Variants in BMPER observed in about 807,000 individuals in gnomAD.
The protein encoded by BMPER is BMP binding endothelial regulator.
Under a neutral mutation model 87.3 loss-of-function variants are expected in BMPER, and 45 were observed. The ratio of observed to expected loss-of-function variants is 0.52; its 90% confidence interval spans 0.41 to 0.66. The LOEUF is 0.66. BMPER is among the 30% of genes least tolerant of loss of function. BMPER has a pLI of 0.00. For missense variants in BMPER, 784 were observed against 867.5 expected, an observed-to-expected ratio of 0.90 and a Z score of 1.21; for synonymous variants, 326 against 316.2, an observed-to-expected ratio of 1.03 and a Z score of -0.33.
intron 13 of BMPER, among the ~76,000 whole-genome samples, chr7:34,118,994 ACTGTCT>A (rs1412869494): frequency 1.3e-4 from 12 of 89,142 alleles, no homozygotes; most frequent in South Asian, 9.4e-4. Context: ...TCTCTCTCTC[ACTGTCT>A]CTCTCTCTCT....
intron 13 of BMPER, among the ~76,000 whole-genome samples, chr7:34,123,469 C>T (rs558578290): frequency 4.5e-4 from 68 of 152,252 alleles, no homozygotes; most frequent in Admixed American, 2.7e-3. Flanking sequence ...ATGCCCTGGC[C>T]ACACTCAGGA....
chr7:34,039,732 ATATC>A (rs1488588402), intron 6 of BMPER, among the ~76,000 whole-genome samples: 2 of 151,952 alleles, frequency 1.3e-5, no homozygotes, highest in African/African-American at 4.8e-5. Flanking sequence ...ATATGTGTGT[ATATC>A]TATATAAACA....
chr7:34,100,062 C>T (rs1250106741), intron 13 of BMPER, among the ~76,000 whole-genome samples: 1 of 152,114 alleles, frequency 6.6e-6, no homozygotes, highest in African/African-American at 2.4e-5. Flanking sequence ...CCCTCCCTCT[C>T]TCTCTTCAAC....
At chr7:34,031,920 A>G (rs1329436701) in intron 6 of BMPER, among the ~76,000 whole-genome samples, 2 of 126,270 alleles carry the variant, frequency 1.6e-5, no homozygotes, top group Admixed American at 1.6e-4. Flanking sequence ...ATATATATAT[A>G]TATATATACA....
chr7:33,979,105 A>G (rs1785771208), intron 6 of BMPER, among the ~76,000 whole-genome samples: 1 of 152,138 alleles, frequency 6.6e-6, no homozygotes, highest in South Asian at 2.1e-4. Flanking sequence ...GTCCATATAT[A>G]TGCACGTAAA....
intron 12 of BMPER, among the ~76,000 whole-genome samples, chr7:34,081,997 A>G: frequency 6.6e-6 from 1 of 152,198 alleles, no homozygotes; most frequent in South Asian, 2.1e-4. Flanking sequence ...AAACCCAACT[A>G]GTGGTCTGGA....
intron 11 of BMPER, among the ~76,000 whole-genome samples, chr7:34,064,051 G>A (rs1055883775): frequency 6.6e-6 from 1 of 152,232 alleles, no homozygotes; most frequent in Non-Finnish European, 1.5e-5. Context: ...CTGTAATCGG[G>A]AGGCCGAGGA....
intron 13 of BMPER, among the ~76,000 whole-genome samples, chr7:34,088,371 C>T (rs919065648): frequency 1.3e-5 from 2 of 152,174 alleles, no homozygotes; most frequent in African/African-American, 4.8e-5. Context: ...GGGAGAGTGG[C>T]CAGTGTTGGC....
intron 6 of BMPER, among the ~76,000 whole-genome samples, chr7:34,008,680 C>G (rs956275965): frequency 2.6e-5 from 4 of 151,898 alleles, no homozygotes; most frequent in Non-Finnish European, 5.9e-5. Flanking sequence ...GAATGACATT[C>G]AATGTTACTG....
intron 4 of BMPER, among the ~76,000 whole-genome samples, chr7:33,967,123 C>G (rs1785425715): frequency 6.6e-6 from 1 of 152,138 alleles, no homozygotes; most frequent in Non-Finnish European, 1.5e-5. Context: ...TGGCTCTAAC[C>G]CCATCAGGTG....
In BMPER at chr7:34,078,974, C is replaced by T. The variant is rs1252694483; in HGVS notation, c.1196C>T (p.Ser399Leu). 22 of 1,614,114 alleles carry T rather than the reference C, an allele frequency of 1.4e-5. No individual in the cohort carries two copies. Among genetic ancestry groups the T allele is most frequent in the Admixed American group, 5.0e-5 (3 of 60,010 alleles). Reference sequence around the variant, plus strand: ...ACAAAAGACTGCTCCTCCCCTGCCTCGCCCTTCCAGGTGCTGGTGAAGAAC... The same window carrying T: ...ACAAAAGACTGCTCCTCCCCTGCCTTGCCCTTCCAGGTGCTGGTGAAGAAC... ...VLTKDCSSPA[S>L]PFQVLVKNDA... Residue 399 changes from serine to leucine, a missense_variant, in exon 12 of 15, where the codon TCG becomes TTG. Coordinates refer to ENST00000649409, the MANE Select transcript of BMPER (RefSeq NM_001365308.1).
rs542171670 is a variant in BMPER, at chr7:33,969,733, T to A, written c.403-596T>A. On this transcript the variant is annotated intron_variant, in intron 4 of 14. Coordinates refer to ENST00000649409, the MANE Select transcript of BMPER (RefSeq NM_001365308.1). ...TATTATTAAGCCCTAAAGTCCCTAT[T>A]TTGACATATATAATATGAACTTAAA... Among the ~76,000 whole-genome samples, 7 of 152,324 alleles carry A rather than the reference T, an allele frequency of 4.6e-5. No homozygotes were observed. In the South Asian group the frequency reaches 1.4e-3, roughly 32 times the overall value.
chr7:34,031,887 T>TAC, intron 6 of BMPER, among the ~76,000 whole-genome samples: 1 of 17,326 alleles, frequency 5.8e-5, no homozygotes, highest in Non-Finnish European at 9.2e-5. Context: ...TTTGACCATA[T>TAC]ATATATATAT....
intron 13 of BMPER, among the ~76,000 whole-genome samples, chr7:34,099,952 C>T (rs993034061): frequency 7.9e-5 from 12 of 151,980 alleles, no homozygotes; most frequent in East Asian, 1.9e-4. Context: ...CTCCTTTTCC[C>T]GGAAAAATGC....
intron 6 of BMPER, among the ~76,000 whole-genome samples, chr7:33,993,952 C>G (rs1585716680): frequency 6.6e-6 from 1 of 152,160 alleles, no homozygotes; most frequent in East Asian, 1.9e-4. Flanking sequence ...GGTCAGGGAC[C>G]CACTTGAGGA....
intron 3 of BMPER, among the ~76,000 whole-genome samples, chr7:33,946,495 G>T (rs1264986952): frequency 6.6e-6 from 1 of 152,182 alleles, no homozygotes; most frequent in Non-Finnish European, 1.5e-5. Flanking sequence ...TGAAGGTTCT[G>T]GCACACACAA....
chr7:34,141,044 G>T (rs530515392), intron 13 of BMPER, among the ~76,000 whole-genome samples: 4,087 of 152,302 alleles, frequency 0.027, 173 homozygotes, highest in African/African-American at 0.092. Flanking sequence ...AGAACCTGGG[G>T]CAGCCGAAAA....
At chr7:34,086,495 G>T (rs1789214353) in intron 13 of BMPER, among the ~76,000 whole-genome samples, 2 of 152,194 alleles carry the variant, frequency 1.3e-5, no homozygotes, top group Admixed American at 6.5e-5. Flanking sequence ...CTGCCTTTGG[G>T]TGTTTGAATG....
chr7:34,004,713 G>A (rs368021889), intron 6 of BMPER, among the ~76,000 whole-genome samples: 4 of 152,214 alleles, frequency 2.6e-5, no homozygotes, highest in South Asian at 2.1e-4. Context: ...AGAGATTTCC[G>A]TAAATGTCTT....
Sources: gnomAD v4.1 joint callset for allele counts (sites outside exome capture counted in the v4.1 genomes callset) on GRCh38, gnomAD v4.1.1 for gene constraint, MANE v1.5 for transcripts, NCBI Gene and HGNC (gene_info 2026-07-23, HGNC 2026-07-21) for gene names.